CAMK4: variants seen among roughly 807,000 people sequenced by gnomAD.
CAMK4 encodes calcium/calmodulin dependent protein kinase IV.
A neutral mutation model predicts 44.9 loss-of-function variants in CAMK4; 22 were observed. That is an observed-to-expected ratio of 0.49 (90% confidence interval 0.35 to 0.70). The LOEUF (loss-of-function observed/expected upper bound fraction) is 0.70. Among genes scored for constraint, CAMK4 ranks in the 30% least tolerant of loss-of-function variants. The pLI, the probability that CAMK4 is intolerant of heterozygous loss-of-function variation, is 0.01. For missense variants in CAMK4, 498 were observed against 586.8 expected, an observed-to-expected ratio of 0.85 and a Z score of 1.56; for synonymous variants, 218 against 215.4, an observed-to-expected ratio of 1.01 and a Z score of -0.11.
chr5:111,448,718 T>C (rs1036342229), intron 6 of CAMK4, among the ~76,000 whole-genome samples: 3 of 152,032 alleles, frequency 2.0e-5, no homozygotes, highest in East Asian at 3.9e-4. Context: ...AGTCAGAGAA[T>C]TGCTTGAACC....
At position 111,326,905 on chromosome 5, in the gene CAMK4, G is replaced by A. The variant is rs1748915414; in HGVS notation, c.162-17119G>A. ...TGGCAACAGTGTGTCATGAAACAGG[G>A]TGATGACTAATCGAATTCTCTGCAC... On this transcript the variant is annotated intron_variant, in intron 1 of 10. Transcript: ENST00000282356. Among the ~76,000 whole-genome samples the A allele has an allele frequency of 2.6e-5, 4 of 151,790 alleles. No homozygotes were observed. The South Asian group carries it at 8.3e-4, about 32-fold the overall frequency.
chr5:111,329,482 C>T (rs932018782), intron 1 of CAMK4, among the ~76,000 whole-genome samples: 1 of 151,784 alleles, frequency 6.6e-6, no homozygotes, highest in African/African-American at 2.4e-5. Flanking sequence ...TTTATGAGGG[C>T]AGCATAACAC....
Position 111,271,822 on chromosome 5 carries a change from T to C in CAMK4, c.161+47178T>C, listed in dbSNP as rs139769984. ...TTCCTAAGTTTTCTTTCCAGGACAC[T>C]GGTCCTCTAAGTGTGCCATAAAAGT... is the stretch of plus-strand genomic sequence containing the variant. On this transcript the variant is annotated intron_variant, in intron 1 of 10. Transcript: ENST00000282356. Among the ~76,000 whole-genome samples the C allele has an allele frequency of 3.7e-3, 558 of 152,238 alleles. 3 individuals carry two copies. The highest frequency in any genetic ancestry group is 0.013 in the African/African-American group (544 of 41,516).
intron 9 of CAMK4, chr5:111,481,830 A>G (rs939779461): frequency 2.6e-5 from 4 of 152,242 alleles, no homozygotes; most frequent in African/African-American, 9.6e-5. Context: ...GTTCCAAATG[A>G]TAAGGCTGCT....
At chr5:111,405,812 C>T (rs1013124431) in intron 5 of CAMK4, among the ~76,000 whole-genome samples, 7 of 151,992 alleles carry the variant, frequency 4.6e-5, no homozygotes, top group East Asian at 3.9e-4. Flanking sequence ...TAAAAATGGC[C>T]GGTCAAGAAA....
chr5:111,404,132 A>G (rs532586272), intron 5 of CAMK4, among the ~76,000 whole-genome samples: 73 of 152,242 alleles, frequency 4.8e-4, no homozygotes, highest in Non-Finnish European at 8.1e-4. Context: ...CTAAGCATAC[A>G]TATTTAACAT....
chr5:111,424,101 T>C (rs1488900424), intron 5 of CAMK4, among the ~76,000 whole-genome samples: 1 of 152,204 alleles, frequency 6.6e-6, no homozygotes, highest in Non-Finnish European at 1.5e-5. Context: ...TATGCCCTGC[T>C]ATAGACTATA....
In CAMK4 at chr5:111,491,026, C is replaced by T. The variant is rs905872000; in HGVS notation, c.*6560C>T. ...TTAGTAAACAAATTAGTTATTTATG[C>T]TCTTACTTGAATGTCAGTCATTCAT... On this transcript the variant is annotated 3_prime_UTR_variant, in exon 11 of 11. Transcript: ENST00000282356. The T allele has an allele frequency of 6.6e-6, 1 of 152,126 alleles. No individual in the cohort carries two copies. The highest frequency in any genetic ancestry group is 2.4e-5 in the African/African-American group (1 of 41,422). 9.4% of individuals were successfully genotyped at this position (152,126 alleles called of 1,614,324 possible). A position where few individuals can be genotyped will look rare whatever the true frequency, so the allele number is the denominator to read the frequency against.
Position 111,460,265 on chromosome 5 carries a change from C to CTTTTTTT in CAMK4, c.625+11067_625+11068insTTTTTTT, listed in dbSNP as rs200566906. Among the ~76,000 whole-genome samples the CTTTTTTT allele has an allele frequency of 1.4e-3, 175 of 122,684 alleles. 11 individuals are homozygous for CTTTTTTT. The highest frequency in any genetic ancestry group is 9.9e-3 in the Middle Eastern group (2 of 202). 80.5% of individuals were successfully genotyped at this position (122,684 alleles called of 152,430 possible). On this transcript the variant is annotated intron_variant, in intron 7 of 10. Coordinates refer to ENST00000282356, the MANE Select transcript of CAMK4 (RefSeq NM_001744.6). ...TAATGTTTTTCTTTTCTTTTCTTTT[C>CTTTTTTT]TTTTTCTTTTTTTTTTTTTTGAGGC...
At chr5:111,416,524 G>T (rs896485536) in intron 5 of CAMK4, 1 of 152,172 alleles carries the variant, frequency 6.6e-6, no homozygotes, top group African/African-American at 2.4e-5. Flanking sequence ...AATATTCCAA[G>T]ATACATAGAA....
In CAMK4 at chr5:111,475,680, T is replaced by C. The variant is rs183861577; in HGVS notation, c.701+2294T>C. ...ACAGTGCTGCTTACAACTAATATTC[T>C]TTAGTTTTTGGCTAACTTCTGTCAG... On this transcript the variant is annotated intron_variant, in intron 8 of 10. Coordinates refer to ENST00000282356, the MANE Select transcript of CAMK4 (RefSeq NM_001744.6). Among the ~76,000 whole-genome samples the C allele has an allele frequency of 4.7e-3, 720 of 152,380 alleles. 4 individuals are homozygous for C. The highest frequency in any genetic ancestry group is 0.03 in the South Asian group (144 of 4,826).
rs540495109 is a variant in CAMK4 at position 111,396,631 on chromosome 5, C to CTTTTTTTTTTTTTTTTTTTTT, written c.459+1856_459+1876dup. Among the ~76,000 whole-genome samples the CTTTTTTTTTTTTTTTTTTTTT allele has an allele frequency of 2.6e-4, 12 of 47,014 alleles. 2 individuals are homozygous for CTTTTTTTTTTTTTTTTTTTTT. Among genetic ancestry groups the CTTTTTTTTTTTTTTTTTTTTT allele is most frequent in the Non-Finnish European group, 2.9e-4 (8 of 27,862 alleles). 30.8% of individuals were successfully genotyped at this position (47,014 alleles called of 152,430 possible). ...ACTTTAATTGCCATTAACTCATATT[C>CTTTTTTTTTTTTTTTTTTTTT]TTTTTTTTTTTTTTTTTTTTTTTTT... On this transcript the variant is annotated intron_variant, in intron 5 of 10. Coordinates refer to ENST00000282356, the MANE Select transcript of CAMK4 (RefSeq NM_001744.6).
At chr5:111,401,875 T>C (rs1752241240) in intron 5 of CAMK4, among the ~76,000 whole-genome samples, 1 of 152,196 alleles carries the variant, frequency 6.6e-6, no homozygotes. Context: ...GCTCCCTGTT[T>C]GGCTGGTGTA....
intron 5 of CAMK4, among the ~76,000 whole-genome samples, chr5:111,441,317 A>G (rs1048591698): frequency 1.3e-5 from 2 of 152,178 alleles, no homozygotes; most frequent in African/African-American, 4.8e-5. Context: ...AGATAAAATT[A>G]TATTTCTGTC....
chr5:111,476,507 G>T (rs957480204), intron 8 of CAMK4, among the ~76,000 whole-genome samples: 1 of 151,932 alleles, frequency 6.6e-6, no homozygotes, highest in African/African-American at 2.4e-5. Context: ...TCAAACTCCT[G>T]ACCTCCTGTT....
At chr5:111,310,616 T>C (rs1252240666) in intron 1 of CAMK4, among the ~76,000 whole-genome samples, 1 of 152,170 alleles carries the variant, frequency 6.6e-6, no homozygotes, top group Admixed American at 6.5e-5. Context: ...ACTTAGTACA[T>C]AGGAACTCCT....
At chr5:111,318,740 C>T (rs1057382483) in intron 1 of CAMK4, among the ~76,000 whole-genome samples, 1 of 152,110 alleles carries the variant, frequency 6.6e-6, no homozygotes, top group Non-Finnish European at 1.5e-5. Context: ...TTGGCTATGA[C>T]TCCTGGAAAC....
In CAMK4 at chr5:111,290,013, A is replaced by G. The variant is rs1364137848; in HGVS notation, c.162-54011A>G. Among the ~76,000 whole-genome samples the G allele has an allele frequency of 6.6e-6, 1 of 152,192 alleles. No individual in the cohort carries two copies. Among genetic ancestry groups the G allele is most frequent in the Non-Finnish European group, 1.5e-5 (1 of 68,024 alleles). ...TATGGCAGGGTGTAAAGCTGTGGGG[A>G]CAGGAAATACAAATTACACACATGG... On this transcript the variant is annotated intron_variant, in intron 1 of 10. Coordinates refer to ENST00000282356, the MANE Select transcript of CAMK4 (RefSeq NM_001744.6). The surrounding 1 kb of genome is among the most constrained non-coding windows in gnomAD (Gnocchi z 4.5).
rs989257130 is a variant in CAMK4 at position 111,481,424 on chromosome 5, A to T, written c.829-1361A>T. On this transcript the variant is annotated intron_variant, in intron 9 of 10. Transcript: ENST00000282356. ...CATGTCCTCTCAGATTTTAAGCCTA[A>T]AGAGCCTCATGTCTCTGCCCACTAC... Among the ~76,000 whole-genome samples, 65 of 152,280 alleles carry T rather than the reference A, an allele frequency of 4.3e-4. 1 individual carries two copies. Among genetic ancestry groups the T allele is most frequent in the African/African-American group, 1.5e-3 (62 of 41,542 alleles).
Sources: gnomAD v4.1 joint callset for allele counts (sites outside exome capture counted in the v4.1 genomes callset) on GRCh38, gnomAD v4.1.1 for gene constraint, Gnocchi (gnomAD v3.1) non-coding constraint, MANE v1.5 for transcripts, NCBI Gene and HGNC (gene_info 2026-07-23, HGNC 2026-07-21) for gene names.